The following PHF14 variants were observed in gnomAD, a reference collection of about 807,000 sequenced individuals.
The protein encoded by PHF14 is PHD finger protein 14.
A neutral mutation model predicts 117.9 loss-of-function variants in PHF14; 55 were observed. The ratio of observed to expected loss-of-function variants is 0.47; its 90% CI spans 0.38 to 0.58. PHF14 has a LOEUF of 0.58. PHF14 is among the 20% of genes least tolerant of loss of function. PHF14 has a pLI of 0.00. For synonymous variants in PHF14, 409 were observed against 368.6 expected (o/e 1.11, Z -1.26); for missense variants, 978 against 1,122.2 (o/e 0.87, Z 1.84).
chr7:11,066,348 C>G (rs979490677), intron 16 of PHF14, among the ~76,000 whole-genome samples: 1 of 152,198 alleles, frequency 6.6e-6, no homozygotes, highest in African/African-American at 2.4e-5. Flanking sequence ...CAGCCTCTGC[C>G]TCCCGGGCTC....
At chr7:11,067,668 A>G (rs886185833) in intron 16 of PHF14, among the ~76,000 whole-genome samples, 1 of 152,174 alleles carries the variant, frequency 6.6e-6, no homozygotes, top group Non-Finnish European at 1.5e-5. Context: ...TAATTGATAA[A>G]GAAGGAAATG....
intron 16 of PHF14, among the ~76,000 whole-genome samples, chr7:11,081,726 C>T (rs950568318): frequency 3.3e-5 from 5 of 151,852 alleles, no homozygotes; most frequent in Admixed American, 2.0e-4. Context: ...TGTGGTGGCA[C>T]GTGCCTGTAG....
chr7:11,065,536 A>G (rs1265313514), intron 16 of PHF14, among the ~76,000 whole-genome samples: 1 of 152,086 alleles, frequency 6.6e-6, no homozygotes, highest in East Asian at 1.9e-4. Context: ...ACAAAATATA[A>G]TGTTTGATGA....
At chr7:11,053,146 C>G (rs1384208695) in intron 14 of PHF14, among the ~76,000 whole-genome samples, 1 of 151,998 alleles carries the variant, frequency 6.6e-6, no homozygotes, top group Non-Finnish European at 1.5e-5. Flanking sequence ...TTTAAAGAGT[C>G]TTTAATTTTT....
intron 3 of PHF14, among the ~76,000 whole-genome samples, chr7:10,988,621 T>C (rs562347552): frequency 2.0e-5 from 3 of 151,434 alleles, no homozygotes; most frequent in East Asian, 1.9e-4. Flanking sequence ...TTTAAAGTAG[T>C]AGTGCTCATT....
chr7:11,164,020 G>C (rs942632673), intron 17 of PHF14, among the ~76,000 whole-genome samples: 1 of 152,092 alleles, frequency 6.6e-6, no homozygotes. Context: ...AGATAATTCT[G>C]ACTATTAATT....
At chr7:11,030,216 C>G (rs1426010567) in intron 7 of PHF14, among the ~76,000 whole-genome samples, 1 of 151,486 alleles carries the variant, frequency 6.6e-6, no homozygotes, top group Non-Finnish European at 1.5e-5. Flanking sequence ...CTCATAGCTA[C>G]AACTCAGGAT....
chr7:11,105,486 A>C (rs1313743766), intron 16 of PHF14: 1 of 978,868 alleles, frequency 1.0e-6, no homozygotes. Context: ...CAAGGAATTC[A>C]GAAGGACTCT....
intron 17 of PHF14, among the ~76,000 whole-genome samples, chr7:11,148,598 A>G (rs981638185): frequency 2.0e-4 from 30 of 152,244 alleles, no homozygotes; most frequent in African/African-American, 7.2e-4. Context: ...TTATCTGTTA[A>G]CAGTTTGTTG....
At chr7:11,149,954 T>C (rs1202915534) in intron 17 of PHF14, among the ~76,000 whole-genome samples, 6 of 152,156 alleles carry the variant, frequency 3.9e-5, no homozygotes, top group Non-Finnish European at 7.4e-5. Context: ...TATTTACTTT[T>C]ACTTTAACTT....
chr7:11,079,531 C>T (rs1461703926), intron 16 of PHF14, among the ~76,000 whole-genome samples: 4 of 152,038 alleles, frequency 2.6e-5, no homozygotes. Flanking sequence ...TTTCCTATTA[C>T]TTTTTTTGAC....
At chr7:11,086,476 G>A (rs1786413392) in intron 16 of PHF14, among the ~76,000 whole-genome samples, 1 of 152,090 alleles carries the variant, frequency 6.6e-6, no homozygotes, top group African/African-American at 2.4e-5. Context: ...TGGGATGAGG[G>A]CTTCTCAATC....
intron 12 of PHF14, among the ~76,000 whole-genome samples, chr7:11,042,101 T>C (rs1190049988): frequency 1.3e-5 from 2 of 151,958 alleles, no homozygotes; most frequent in African/African-American, 4.8e-5. Flanking sequence ...AAATATCAAT[T>C]GATGTGTGCG....
At chr7:11,116,205 A>T (rs1220604840) in intron 17 of PHF14, among the ~76,000 whole-genome samples, 2 of 151,956 alleles carry the variant, frequency 1.3e-5, no homozygotes, top group African/African-American at 4.8e-5. Context: ...TGATTCCGCC[A>T]ATCTTCAGGT....
rs1388702698 is a variant in PHF14 at position 11,103,935 on chromosome 7, GAT to G, written c.2655-7413_2655-7412del. 3.1e-6 allele frequency: 3 copies of G among 981,914 alleles called. No homozygotes were observed. The Admixed American group carries it at 1.9e-4, about 61-fold the overall frequency. The allele number at this position is 981,914 out of a possible 1,614,324, so 60.8% of individuals were successfully genotyped here. On this transcript the variant is annotated intron_variant, in intron 16 of 17. Transcript: ENST00000634607. ...AGTAGACTTTTGTTTAAAAGAATAA[GAT>G]AGGACTAGTTGTCACTATATTAGCT...
intron 13 of PHF14, among the ~76,000 whole-genome samples, chr7:11,045,574 C>G (rs3801439): frequency 0.013 from 1,939 of 152,282 alleles, 41 homozygotes; most frequent in East Asian, 0.1. Flanking sequence ...GCTATCCAGC[C>G]TTTTCTTCCA....
At chr7:11,018,371 A>G (rs964803875) in intron 5 of PHF14, among the ~76,000 whole-genome samples, 12 of 152,066 alleles carry the variant, frequency 7.9e-5, no homozygotes. Context: ...TGATTCTTCC[A>G]GTTTGTGAAC....
chr7:11,069,445 G>A (rs973010453), intron 16 of PHF14, among the ~76,000 whole-genome samples: 3 of 152,102 alleles, frequency 2.0e-5, no homozygotes, highest in African/African-American at 7.2e-5. Context: ...TGTTTGCTGG[G>A]CTCTTCCATC....
chr7:11,092,149 T>G (rs1235373313), intron 16 of PHF14, among the ~76,000 whole-genome samples: 3 of 152,200 alleles, frequency 2.0e-5, no homozygotes, highest in Admixed American at 2.0e-4. Context: ...GACTTTAAAG[T>G]TGTGGAATAT....
Sources: gnomAD v4.1 joint callset for allele counts (sites outside exome capture counted in the v4.1 genomes callset) on GRCh38, gnomAD v4.1.1 for gene constraint, MANE v1.5 for transcripts, NCBI Gene and HGNC (gene_info 2026-07-23, HGNC 2026-07-21) for gene names.